GFRA2: variants seen among roughly 807,000 people sequenced by gnomAD.
GFRA2 encodes GDNF family receptor alpha 2, also known as GDNF family receptor alpha-2.
Under a neutral mutation model 48.3 loss-of-function variants are expected in GFRA2, and 17 were observed. The ratio of observed to expected loss-of-function variants is 0.35; its 90% confidence interval spans 0.24 to 0.53. The LOEUF (loss-of-function observed/expected upper bound fraction) is 0.53. GFRA2 is among the 20% of genes least tolerant of loss of function. The pLI, the probability that GFRA2 is intolerant of heterozygous loss-of-function variation, is 0.93. For synonymous variants in GFRA2, 305 were observed against 257.2 expected, an observed-to-expected ratio of 1.19 and a Z score of -1.78; for missense variants, 660 against 637.3, an observed-to-expected ratio of 1.04 and a Z score of -0.38.
At chr8:21,749,801 C>T (rs895882480) in intron 4 of GFRA2, among the ~76,000 whole-genome samples, 1 of 151,698 alleles carries the variant, frequency 6.6e-6, no homozygotes, top group Non-Finnish European at 1.5e-5. Context: ...CACTCATTAG[C>T]TATGTAACCT....
intron 3 of GFRA2, among the ~76,000 whole-genome samples, chr8:21,773,419 C>G (rs2117700441): frequency 6.6e-6 from 1 of 152,332 alleles, no homozygotes; most frequent in Admixed American, 6.5e-5. Context: ...TGGCCAGTGC[C>G]TCCCTTCCTG....
intron 2 of GFRA2, among the ~76,000 whole-genome samples, chr8:21,777,462 T>G (rs1469361759): frequency 6.6e-6 from 1 of 152,122 alleles, no homozygotes; most frequent in Non-Finnish European, 1.5e-5. Context: ...CCCAGCCTCT[T>G]TAAGTCAACT....
At chr8:21,777,209 A>C (rs1585330685) in intron 2 of GFRA2, among the ~76,000 whole-genome samples, 1 of 152,202 alleles carries the variant, frequency 6.6e-6, no homozygotes, top group African/African-American at 2.4e-5. Flanking sequence ...CACTGCTGTG[A>C]ATACTGTCTC....
At position 21,729,687 on chromosome 8, in the gene GFRA2, C is replaced by T. The variant is rs143147878; in HGVS notation, c.794+20901G>A. ...TTTCTCAAGCCCACACACACTTGTT[C>T]GCTCACACAGCCTGGTACAAACCCA... On this transcript the variant is annotated intron_variant, in intron 4 of 8. Coordinates refer to ENST00000524240, the MANE Select transcript of GFRA2 (RefSeq NM_001495.5). Among the ~76,000 whole-genome samples the T allele has an allele frequency of 5.4e-3, 818 of 152,294 alleles. 11 individuals carry two copies. Among genetic ancestry groups the T allele is most frequent in the South Asian group, 0.028 (137 of 4,826 alleles).
At chr8:21,716,198 C>G (rs978207796) in intron 4 of GFRA2, among the ~76,000 whole-genome samples, 5 of 151,944 alleles carry the variant, frequency 3.3e-5, no homozygotes, top group Non-Finnish European at 7.4e-5. Context: ...TAGCACACAC[C>G]TGTAATCCCA....
At chr8:21,766,441 G>T (rs1246101264) in intron 3 of GFRA2, among the ~76,000 whole-genome samples, 1 of 151,942 alleles carries the variant, frequency 6.6e-6, no homozygotes. Flanking sequence ...AACAAGGCAT[G>T]GCCCGCAGAG....
chr8:21,728,281 T>TG (rs1378689368), intron 4 of GFRA2, among the ~76,000 whole-genome samples: 1 of 140,164 alleles, frequency 7.1e-6, no homozygotes, highest in South Asian at 2.6e-4. Context: ...TTTTTTTTTT[T>TG]TTTTTTTTTT....
chr8:21,807,785 G>T (rs1465529141), intron 1 of GFRA2, among the ~76,000 whole-genome samples: 1 of 152,196 alleles, frequency 6.6e-6, no homozygotes, highest in South Asian at 2.1e-4. Context: ...GGGAGTGAAA[G>T]CCACATACCG....
chr8:21,760,045 C>T (rs78110491), intron 3 of GFRA2, among the ~76,000 whole-genome samples: 2,125 of 152,180 alleles, frequency 0.014, 28 homozygotes, highest in Non-Finnish European at 0.024. Context: ...AAAGGAGGAG[C>T]AAGCACAAAG....
chr8:21,762,479 T>C (rs1805961896), intron 3 of GFRA2, among the ~76,000 whole-genome samples: 1 of 152,072 alleles, frequency 6.6e-6, no homozygotes, highest in Non-Finnish European at 1.5e-5. Context: ...TTTCCCCTCA[T>C]TCCCAGCCCT....
chr8:21,701,484 G>A (rs1296044277), intron 7 of GFRA2, among the ~76,000 whole-genome samples: 1 of 152,250 alleles, frequency 6.6e-6, no homozygotes, highest in Admixed American at 6.5e-5. Flanking sequence ...AGCCTGGAGA[G>A]TGGTAGAGGT....
intron 3 of GFRA2, among the ~76,000 whole-genome samples, chr8:21,754,367 A>C (rs542778708): frequency 6.6e-6 from 1 of 152,326 alleles, no homozygotes; most frequent in South Asian, 2.1e-4. Flanking sequence ...TTAAGCAAGC[A>C]AAATGGTACA....
At chr8:21,773,801 C>T (rs1806554266) in intron 3 of GFRA2, among the ~76,000 whole-genome samples, 1 of 152,206 alleles carries the variant, frequency 6.6e-6, no homozygotes, top group African/African-American at 2.4e-5. Context: ...CAGTGCTTCT[C>T]AACTGGCAGT....
At chr8:21,734,393 T>C (rs1804349067) in intron 4 of GFRA2, among the ~76,000 whole-genome samples, 1 of 152,242 alleles carries the variant, frequency 6.6e-6, no homozygotes, top group Non-Finnish European at 1.5e-5. Flanking sequence ...CAGACCTTTC[T>C]CCTGCTGGAA....
intron 1 of GFRA2, among the ~76,000 whole-genome samples, chr8:21,787,273 A>T (rs1447862225): frequency 3.9e-5 from 2 of 51,830 alleles, no homozygotes; most frequent in African/African-American, 1.9e-4. Context: ...CGGGGGGGGC[A>T]GTGGGGGGGG....
intron 4 of GFRA2, among the ~76,000 whole-genome samples, chr8:21,712,346 A>T (rs1364444149): frequency 3.3e-5 from 5 of 151,268 alleles, no homozygotes; most frequent in Non-Finnish European, 5.9e-5. Flanking sequence ...GGCCGGGCAG[A>T]GGCGCTCCTC....
intron 4 of GFRA2, among the ~76,000 whole-genome samples, chr8:21,710,148 T>C (rs752866470): frequency 6.6e-6 from 1 of 152,196 alleles, no homozygotes; most frequent in Non-Finnish European, 1.5e-5. Context: ...GCTGTCTGTG[T>C]GACCTTGGGC....
At chr8:21,792,571 T>C (rs1807591588), upstream of GFRA2, among the ~76,000 whole-genome samples, 1 of 152,014 alleles carries the variant, frequency 6.6e-6, no homozygotes, top group African/African-American at 2.4e-5. Flanking sequence ...AGCGTGTAGC[T>C]ATGAGAAGAT....
chr8:21,707,576 A>C (rs4739214), intron 4 of GFRA2, among the ~76,000 whole-genome samples: 114,776 of 152,090 alleles, frequency 0.75, 43,676 homozygotes, highest in African/African-American at 0.84. Flanking sequence ...GTGCCCCAGG[A>C]CCCTGCAGGC....
Sources: gnomAD v4.1 joint callset for allele counts (sites outside exome capture counted in the v4.1 genomes callset) on GRCh38, gnomAD v4.1.1 for gene constraint, MANE v1.5 for transcripts, NCBI Gene and HGNC (gene_info 2026-07-23, HGNC 2026-07-21) for gene names.